Variants in PDE4D observed in about 807,000 individuals in gnomAD.
PDE4D encodes 3',5'-cyclic-AMP phosphodiesterase 4D.
PDE4D carries 24 observed loss-of-function variants against 87.4 expected under a neutral mutation model. That is an observed-to-expected ratio of 0.27 (90% CI 0.20 to 0.39). PDE4D has a LOEUF of 0.39. Among genes scored for constraint, PDE4D ranks in the 10% least tolerant of loss-of-function variants. PDE4D has a pLI of 1.00. For synonymous variants in PDE4D, 384 were observed against 383.2 expected (o/e 1.00, Z -0.02); for missense variants, 714 against 1,041.0 (o/e 0.69, Z 4.32).
intron 1 of PDE4D, among the ~76,000 whole-genome samples, chr5:60,423,899 C>T (rs1365242444): frequency 2.0e-5 from 3 of 152,290 alleles, no homozygotes; most frequent in African/African-American, 7.2e-5. Flanking sequence ...TCAGAGAATA[C>T]TATAAACACC....
At chr5:60,372,480 C>T (rs991990871) in intron 1 of PDE4D, 4 of 152,304 alleles carry the variant, frequency 2.6e-5, no homozygotes, top group Non-Finnish European at 4.4e-5. Flanking sequence ...AATATCCAGT[C>T]TGACACCTGC....
chr5:60,063,253 C>T (rs1771690049), intron 2 of PDE4D, among the ~76,000 whole-genome samples: 1 of 151,956 alleles, frequency 6.6e-6, no homozygotes, highest in African/African-American at 2.4e-5. Flanking sequence ...TTTATGTAAA[C>T]ATTAGGATCC....
intron 1 of PDE4D, among the ~76,000 whole-genome samples, chr5:59,818,665 A>G (rs1187513336): frequency 6.6e-6 from 1 of 152,144 alleles, no homozygotes; most frequent in East Asian, 1.9e-4. Context: ...CATTTGAACA[A>G]TTTCAAAGCC....
At chr5:59,510,394 T>A in intron 1 of PDE4D, among the ~76,000 whole-genome samples, 1 of 150,072 alleles carries the variant, frequency 6.7e-6, no homozygotes, top group Non-Finnish European at 1.5e-5. Context: ...TAATAGAAAT[T>A]CAAAAACAAA....
intron 1 of PDE4D, among the ~76,000 whole-genome samples, chr5:59,315,026 G>A (rs752289512): frequency 5.9e-5 from 9 of 152,234 alleles, no homozygotes; most frequent in Admixed American, 1.3e-4. Flanking sequence ...ACTTTAGCTC[G>A]TGTGTGGGGG....
chr5:60,289,783 G>A (rs1037376832), intron 1 of PDE4D, among the ~76,000 whole-genome samples: 2 of 152,164 alleles, frequency 1.3e-5, no homozygotes, highest in Non-Finnish European at 2.9e-5. Context: ...CTGTTTTATA[G>A]AGATTTTTAT....
intron 1 of PDE4D, among the ~76,000 whole-genome samples, chr5:60,363,399 C>T (rs1760249859): frequency 6.6e-6 from 1 of 152,134 alleles, no homozygotes. Flanking sequence ...AATAAAATTA[C>T]ATACCAATCA....
chr5:59,389,637 C>T (rs964223184), intron 1 of PDE4D, among the ~76,000 whole-genome samples: 1 of 152,088 alleles, frequency 6.6e-6, no homozygotes, highest in African/African-American at 2.4e-5. Flanking sequence ...ATTAAAAGTA[C>T]ACCTGCACCC....
chr5:59,368,637 A>T (rs1289794631), intron 1 of PDE4D, among the ~76,000 whole-genome samples: 1 of 152,250 alleles, frequency 6.6e-6, no homozygotes, highest in Admixed American at 6.5e-5. Context: ...ACTTCTTGCA[A>T]AAAAGTAAAT....
At chr5:59,363,189 A>G (rs773004024) in intron 1 of PDE4D, among the ~76,000 whole-genome samples, 90 of 152,142 alleles carry the variant, frequency 5.9e-4, no homozygotes, top group Non-Finnish European at 1.1e-3. Context: ...TTTGAGAGAG[A>G]GCCATTGCAA....
chr5:60,205,810 C>A (rs989286770), intron 1 of PDE4D, among the ~76,000 whole-genome samples: 1 of 152,036 alleles, frequency 6.6e-6, no homozygotes, highest in Admixed American at 6.6e-5. Flanking sequence ...TTGTTCAAAC[C>A]TGGGAGGCGG....
intron 1 of PDE4D, among the ~76,000 whole-genome samples, chr5:60,519,912 T>C (rs540472396): frequency 5.1e-4 from 78 of 152,312 alleles, no homozygotes; most frequent in Non-Finnish European, 9.1e-4. Flanking sequence ...CCACTGCCAG[T>C]GAAAGAGTGA....
chr5:59,967,493 TATGAAAA>T (rs1245277442), intron 3 of PDE4D, among the ~76,000 whole-genome samples: 2 of 152,122 alleles, frequency 1.3e-5, no homozygotes, highest in South Asian at 4.2e-4. Flanking sequence ...CCAAGAAATA[TATGAAAA>T]ATGCTTACGT....
intron 1 of PDE4D, among the ~76,000 whole-genome samples, chr5:60,279,474 C>T (rs1751681119): frequency 6.6e-6 from 1 of 152,204 alleles, no homozygotes; most frequent in Admixed American, 6.5e-5. Context: ...AAAGTAAAAA[C>T]CTAAGCTCCC....
chr5:60,406,168 A>G (rs1242713705), intron 1 of PDE4D, among the ~76,000 whole-genome samples: 1 of 152,230 alleles, frequency 6.6e-6, no homozygotes, highest in Non-Finnish European at 1.5e-5. Context: ...CATAGAATGG[A>G]TAAGCATCTC....
At chr5:60,201,990 C>T (rs1045124573) in intron 1 of PDE4D, among the ~76,000 whole-genome samples, 5 of 151,904 alleles carry the variant, frequency 3.3e-5, no homozygotes, top group African/African-American at 1.2e-4. Context: ...TTATATTATG[C>T]CAGAATAAAG....
chr5:59,188,342 T>G (rs1743388824), intron 3 of PDE4D, among the ~76,000 whole-genome samples: 1 of 152,100 alleles, frequency 6.6e-6, no homozygotes, highest in Admixed American at 6.6e-5. Flanking sequence ...ATATATTCCT[T>G]AGGAAGGAAA....
At chr5:59,806,070 C>T (rs1054720158) in intron 1 of PDE4D, among the ~76,000 whole-genome samples, 10 of 152,192 alleles carry the variant, frequency 6.6e-5, no homozygotes, top group Middle Eastern at 3.2e-3. Flanking sequence ...TTTTCTGTTT[C>T]GTTATCTCAG....
chr5:59,371,996 G>C (rs1784012369), intron 1 of PDE4D, among the ~76,000 whole-genome samples: 2 of 152,190 alleles, frequency 1.3e-5, no homozygotes, highest in South Asian at 4.1e-4. Flanking sequence ...ATAAATGTAT[G>C]TTAAATGAAT....
Sources: allele counts gnomAD v4.1 joint callset (sites outside exome capture counted in the v4.1 genomes callset), GRCh38; gene constraint gnomAD v4.1.1; transcripts MANE v1.5; gene names NCBI Gene and HGNC (gene_info 2026-07-23, HGNC 2026-07-21).